AGAP1: variants seen among roughly 807,000 people sequenced by gnomAD.
AGAP1 encodes the protein ArfGAP with GTPase domain, ankyrin repeat and PH domain 1, also known as arf-GAP with GTPase, ANK repeat and PH domain-containing protein 1.
A neutral mutation model predicts 105.3 loss-of-function variants in AGAP1; 29 were observed. The ratio of observed to expected loss-of-function variants is 0.28; its 90% CI spans 0.21 to 0.38. The LOEUF (loss-of-function observed/expected upper bound fraction) is 0.38. Ranked by LOEUF, AGAP1 falls within the 10% of genes least tolerant of loss-of-function variation. AGAP1 has a pLI of 1.00. For synonymous variants in AGAP1, 509 were observed against 485.9 expected, an observed-to-expected ratio of 1.05 and a Z score of -0.63; for missense variants, 998 against 1,165.1, an observed-to-expected ratio of 0.86 and a Z score of 2.09.
intron 1 of AGAP1, among the ~76,000 whole-genome samples, chr2:235,677,931 AAAAAAAAAAAAAAAAAAAAAAAAAAAG>A (rs1948838836): frequency 1.6e-5 from 1 of 60,850 alleles, no homozygotes; most frequent in African/African-American, 1.2e-4. Context: ...AAAAAAAAAA[AAAAAAAAAAAAAAAAAAAAAAAAAAAG>A]CAAAACCAGT....
At chr2:235,910,809 C>G (rs1438891350) in intron 11 of AGAP1, among the ~76,000 whole-genome samples, 2 of 151,950 alleles carry the variant, frequency 1.3e-5, no homozygotes, top group African/African-American at 4.8e-5. Flanking sequence ...TCCAGCTACT[C>G]AGGAGGCTAA....
Position 235,867,911 on chromosome 2 carries a change from A to G in AGAP1, c.1051-15434A>G, listed in dbSNP as rs1575652508. On this transcript the variant is annotated intron_variant, in intron 9 of 17. Coordinates refer to ENST00000304032, the MANE Select transcript of AGAP1 (RefSeq NM_001037131.3). This position sits in a 1 kb window ranked among gnomAD's most constrained non-coding sequence, Gnocchi z 5.4. ...CAGATGCGCTTCTCTAGTTTTATTG[A>G]GGTCAGTTTGGTTCCTGTCAGCCAC... 2.0e-5 allele frequency among the ~76,000 whole-genome samples: 3 copies of G among 152,052 alleles called. No homozygotes were observed. Among genetic ancestry groups the G allele is most frequent in the African/African-American group, 7.2e-5 (3 of 41,394 alleles).
intron 1 of AGAP1, among the ~76,000 whole-genome samples, chr2:235,649,530 C>CA (rs1359890101): frequency 2.6e-5 from 4 of 152,164 alleles, no homozygotes; most frequent in African/African-American, 9.7e-5. Flanking sequence ...CGCATCTCTA[C>CA]ACTCAGCACA....
Position 236,113,026 on chromosome 2 carries a change from A to G in AGAP1, c.2115-7166A>G, listed in dbSNP as rs769677176. Among the ~76,000 whole-genome samples, 16 of 152,272 alleles carry G rather than the reference A, an allele frequency of 1.1e-4. No homozygotes were observed. Among genetic ancestry groups the G allele is most frequent in the Non-Finnish European group, 5.9e-5 (4 of 68,048 alleles). ...CTGTTTTTCCCCTTTTGAAACTTGC[A>G]ATAAAATCTACCTGTCTCTTCTTTC... is the stretch of plus-strand genomic sequence containing the variant. On this transcript the variant is annotated intron_variant, in intron 16 of 17. Transcript: ENST00000304032. This position sits in a 1 kb window ranked among gnomAD's most constrained non-coding sequence, Gnocchi z 4.3.
chr2:236,124,006 G>T lies in AGAP1; in HGVS notation c.2458G>T (p.Val820Leu). The T allele has an allele frequency of 6.2e-7, 1 of 1,614,036 alleles. No individual in the cohort carries two copies. The highest frequency in any genetic ancestry group is 8.5e-7 in the Non-Finnish European group (1 of 1,180,026). The change falls in exon 18 of 18, where the codon GTG becomes TTG. Residue 820 changes from valine to leucine, a missense_variant. Coordinates refer to ENST00000304032, the MANE Select transcript of AGAP1 (RefSeq NM_001037131.3). The surrounding 1 kb of genome is among the most constrained non-coding windows in gnomAD (Gnocchi z 5.1). The part of the protein sequence containing the change: ...RQASSQECID[V>L]LLQYGCPDER... ...GGCCTCCAGCCAGGAGTGCATCGAC[G>T]TGCTGCTGCAGTACGGCTGCCCCGA...
intron 13 of AGAP1, among the ~76,000 whole-genome samples, chr2:235,991,764 T>C (rs966650496): frequency 2.6e-5 from 4 of 152,194 alleles, no homozygotes; most frequent in African/African-American, 7.2e-5. Flanking sequence ...CCAAATCTAA[T>C]GAAGAAGAAG....
intron 3 of AGAP1, among the ~76,000 whole-genome samples, chr2:235,722,471 G>T (rs976878190): frequency 6.6e-6 from 1 of 152,292 alleles, no homozygotes; most frequent in South Asian, 2.1e-4. Flanking sequence ...CTGTCTTCAG[G>T]GGAGAGCTTC....
Position 236,095,950 on chromosome 2 carries a change from C to T in AGAP1, c.2115-24242C>T, listed in dbSNP as rs151036494. On this transcript the variant is annotated intron_variant, in intron 16 of 17. Coordinates refer to ENST00000304032, the MANE Select transcript of AGAP1 (RefSeq NM_001037131.3). This position sits in a 1 kb window ranked among gnomAD's most constrained non-coding sequence, Gnocchi z 4.1. ...GACGCTGCTCTTTTAGAAATTCTTC[C>T]GTGATTCAGGGTTCGCCAACATGAG... 4.6e-5 allele frequency among the ~76,000 whole-genome samples: 7 copies of T among 152,268 alleles called. No individual in the cohort carries two copies. In the East Asian group the frequency reaches 9.7e-4, roughly 21 times the overall value.
In AGAP1 at chr2:235,574,617, G is replaced by A. The variant is rs1341014592; in HGVS notation, c.163+79768G>A. ...CAAAAAGTCAAGCAGTGTTCTTTTA[G>A]GTCCTTTTTGGTTCTGTGCGACAGT... On this transcript the variant is annotated intron_variant, in intron 1 of 17. Coordinates refer to ENST00000304032, the MANE Select transcript of AGAP1 (RefSeq NM_001037131.3). The surrounding 1 kb of genome is among the most constrained non-coding windows in gnomAD (Gnocchi z 5.0). 1.3e-5 allele frequency among the ~76,000 whole-genome samples: 2 copies of A among 152,126 alleles called. No individual in the cohort carries two copies. Among genetic ancestry groups the A allele is most frequent in the Non-Finnish European group, 1.5e-5 (1 of 68,034 alleles).
In AGAP1 at chr2:236,119,120, G is replaced by A. The variant is rs1302060959; in HGVS notation, c.2115-1072G>A. 6.6e-6 allele frequency among the ~76,000 whole-genome samples: 1 copy of A among 152,070 alleles called. No individual in the cohort carries two copies. Among genetic ancestry groups the A allele is most frequent in the African/African-American group, 2.4e-5 (1 of 41,400 alleles). On this transcript the variant is annotated intron_variant, in intron 16 of 17. Coordinates refer to ENST00000304032, the MANE Select transcript of AGAP1 (RefSeq NM_001037131.3). The surrounding 1 kb of genome is among the most constrained non-coding windows in gnomAD (Gnocchi z 6.6). ...CCAGGAGGAGACCATGTATTACACTGGCCAGGTCGGGCAGCCCCATCTCAG... is the reference window on the plus strand; with the variant it reads ...CCAGGAGGAGACCATGTATTACACTAGCCAGGTCGGGCAGCCCCATCTCAG...
At chr2:235,923,295 T>C (rs371419557) in intron 11 of AGAP1, among the ~76,000 whole-genome samples, 1 of 152,234 alleles carries the variant, frequency 6.6e-6, no homozygotes, top group Admixed American at 6.5e-5. Context: ...TGTTTCCTTG[T>C]ACAACCCTGT....
chr2:235,991,200 A>C (rs1286927292), intron 13 of AGAP1, among the ~76,000 whole-genome samples: 1 of 152,226 alleles, frequency 6.6e-6, no homozygotes, highest in African/African-American at 2.4e-5. Flanking sequence ...TGACTGGAGA[A>C]GTATTTTATG....
In AGAP1 at chr2:235,608,914, TC is replaced by T. The variant is rs566464944; in HGVS notation, c.164-100258del. 2.6e-5 allele frequency among the ~76,000 whole-genome samples: 4 copies of T among 151,412 alleles called. No individual in the cohort carries two copies. The highest frequency in any genetic ancestry group is 6.6e-5 in the Admixed American group (1 of 15,196). ...AAAACCTTTCAGCTTGTTCTTGACT[TC>T]CCCCCCATCCCTAATACCCCCAACT... is the stretch of plus-strand genomic sequence containing the variant. On this transcript the variant is annotated intron_variant, in intron 1 of 17. Coordinates refer to ENST00000304032, the MANE Select transcript of AGAP1 (RefSeq NM_001037131.3). This position sits in a 1 kb window ranked among gnomAD's most constrained non-coding sequence, Gnocchi z 5.4.
chr2:235,638,184 G>C (rs1026959573), intron 1 of AGAP1, among the ~76,000 whole-genome samples: 1 of 152,212 alleles, frequency 6.6e-6, no homozygotes, highest in South Asian at 2.1e-4. Context: ...AGTTGGTTCT[G>C]TCACACAGCA....
rs1378977391 is a variant in AGAP1, at chr2:236,121,620, G to GT, written c.2370+1174dup. Among the ~76,000 whole-genome samples the GT allele has an allele frequency of 1.3e-5, 2 of 152,088 alleles. No homozygotes were observed. Among genetic ancestry groups the GT allele is most frequent in the African/African-American group, 4.8e-5 (2 of 41,422 alleles). On this transcript the variant is annotated intron_variant, in intron 17 of 17. Coordinates refer to ENST00000304032, the MANE Select transcript of AGAP1 (RefSeq NM_001037131.3). This position sits in a 1 kb window ranked among gnomAD's most constrained non-coding sequence, Gnocchi z 4.9. ...AGCCTTGATCTGACTTTTTTGATGG[G>GT]TGCAGTTGGTGAATGAGTGAGATAT...
Position 235,517,376 on chromosome 2 carries a change from G to T in AGAP1, c.163+22527G>T, listed in dbSNP as rs965149367. Among the ~76,000 whole-genome samples, 1 of 152,196 alleles carries T rather than the reference G, an allele frequency of 6.6e-6. No homozygotes were observed. Among genetic ancestry groups the T allele is most frequent in the Non-Finnish European group, 1.5e-5 (1 of 68,046 alleles). On this transcript the variant is annotated intron_variant, in intron 1 of 17. Coordinates refer to ENST00000304032, the MANE Select transcript of AGAP1 (RefSeq NM_001037131.3). The surrounding 1 kb of genome is among the most constrained non-coding windows in gnomAD (Gnocchi z 4.1). The stretch of plus-strand genomic sequence containing the variant: ...CCCTCCCTCCCTGGTGGTTTCTGAG[G>T]ATTTGTCACTGATGTAGTAGCATCA...
At chr2:235,624,430 C>T (rs1319495125) in intron 1 of AGAP1, among the ~76,000 whole-genome samples, 1 of 152,136 alleles carries the variant, frequency 6.6e-6, no homozygotes, top group East Asian at 1.9e-4. Flanking sequence ...ACAGTGGTCG[C>T]CTGCTGAAGA....
At chr2:235,858,545 A>G (rs1194721788) in intron 9 of AGAP1, among the ~76,000 whole-genome samples, 1 of 152,220 alleles carries the variant, frequency 6.6e-6, no homozygotes, top group Non-Finnish European at 1.5e-5. Flanking sequence ...ACCATACAGA[A>G]TTTAGGAAAC....
intron 11 of AGAP1, among the ~76,000 whole-genome samples, chr2:235,924,362 T>C (rs902317442): frequency 3.9e-5 from 6 of 152,162 alleles, no homozygotes; most frequent in Non-Finnish European, 8.8e-5. Context: ...GCCTTGCGTT[T>C]GGGCCACATG....
Sources: gnomAD v4.1 joint callset for allele counts (sites outside exome capture counted in the v4.1 genomes callset) on GRCh38, gnomAD v4.1.1 for gene constraint, Gnocchi (gnomAD v3.1) non-coding constraint, MANE v1.5 for transcripts, NCBI Gene and HGNC (gene_info 2026-07-23, HGNC 2026-07-21) for gene names.